Variants in KHDRBS2 observed in about 807,000 individuals in gnomAD.
KHDRBS2 encodes KH RNA binding domain containing, signal transduction associated 2, also known as KH domain-containing, RNA-binding, signal transduction-associated protein 2.
In KHDRBS2, 26 loss-of-function variants were observed where a neutral mutation model predicts 44.3. The observed-to-expected ratio is 0.59, with a 90% confidence interval of 0.43 to 0.81. The LOEUF (loss-of-function observed/expected upper bound fraction) is 0.81, where lower values mean the gene tolerates loss of function less well. KHDRBS2 is among the 40% of genes least tolerant of loss of function. The pLI, the probability that KHDRBS2 is intolerant of heterozygous loss-of-function variation, is 0.00. For synonymous variants in KHDRBS2, 194 were observed against 151.1 expected (o/e 1.28, Z -2.08); for missense variants, 476 against 433.1 (o/e 1.10, Z -0.88).
intron 6 of KHDRBS2, among the ~76,000 whole-genome samples, chr6:61,786,540 T>G (rs914364283): frequency 6.6e-5 from 10 of 151,744 alleles, no homozygotes; most frequent in Admixed American, 1.3e-4. Context: ...CTAAATTTAT[T>G]TATGATTCTA....
chr6:61,604,147 C>T, the KHDRBS2 span, among the ~76,000 whole-genome samples: 2 of 152,176 alleles, frequency 1.3e-5, no homozygotes, highest in Non-Finnish European at 2.9e-5. Flanking sequence ...ATATCCTGCA[C>T]AGCCATGCTG....
intron 4 of KHDRBS2, among the ~76,000 whole-genome samples, chr6:61,967,932 GTATATATATATA>G (rs369326330): frequency 3.4e-5 from 4 of 117,014 alleles, no homozygotes; most frequent in Non-Finnish European, 7.0e-5. Flanking sequence ...ATACACACAC[GTATATATATATA>G]TATATATATA....
At chr6:62,028,507 C>CATATGGATT (rs1460309724) in intron 3 of KHDRBS2, among the ~76,000 whole-genome samples, 1 of 151,898 alleles carries the variant, frequency 6.6e-6, no homozygotes, top group East Asian at 1.9e-4. Context: ...GATTTTTGTG[C>CATATGGATT]TTATACATGG....
intron 4 of KHDRBS2, among the ~76,000 whole-genome samples, chr6:61,955,824 G>C (rs1364223328): frequency 6.6e-6 from 1 of 151,950 alleles, no homozygotes; most frequent in East Asian, 1.9e-4. Context: ...TCAATGCTCA[G>C]AAAGATCCTA....
At chr6:62,193,609 T>C (rs760822267) in intron 1 of KHDRBS2, among the ~76,000 whole-genome samples, 46 of 152,088 alleles carry the variant, frequency 3.0e-4, no homozygotes, top group Non-Finnish European at 5.3e-4. Flanking sequence ...CTCTAATGCA[T>C]TATCTTGGGT....
At chr6:62,169,643 G>T (rs1158832155) in intron 2 of KHDRBS2, among the ~76,000 whole-genome samples, 2 of 152,052 alleles carry the variant, frequency 1.3e-5, no homozygotes, top group Non-Finnish European at 2.9e-5. Context: ...AAGTGACTAG[G>T]AGTCCCATGG....
At chr6:61,852,631 C>T (rs1015114355) in intron 6 of KHDRBS2, among the ~76,000 whole-genome samples, 1 of 151,778 alleles carries the variant, frequency 6.6e-6, no homozygotes, top group Admixed American at 6.6e-5. Flanking sequence ...TTAAAGGAGG[C>T]CAAATCCATT....
intron 4 of KHDRBS2, among the ~76,000 whole-genome samples, chr6:61,947,192 A>G (rs1813553316): frequency 6.6e-6 from 1 of 152,210 alleles, no homozygotes; most frequent in Non-Finnish European, 1.5e-5. Context: ...AACCACTATT[A>G]TAAGACATCT....
intron 6 of KHDRBS2, among the ~76,000 whole-genome samples, chr6:61,771,319 C>T (rs1402039441): frequency 1.3e-5 from 2 of 152,064 alleles, no homozygotes; most frequent in Non-Finnish European, 2.9e-5. Flanking sequence ...ATGACAGGAT[C>T]AAATTCACAC....
intron 2 of KHDRBS2, among the ~76,000 whole-genome samples, chr6:62,107,329 A>T (rs939045468): frequency 6.6e-6 from 1 of 152,214 alleles, no homozygotes; most frequent in African/African-American, 2.4e-5. Context: ...ATCATGAGTG[A>T]ACTCCCATTC....
chr6:61,894,771 C>T lies in KHDRBS2; in HGVS notation c.674G>A (p.Gly225Glu), dbSNP rs1408764252. Residue 225 changes from glycine (G) to glutamate (E), a missense_variant, in exon 6 of 9, where the codon GGA becomes GAA. Transcript: ENST00000281156. The stretch of plus-strand genomic sequence containing the variant: ...AAGCGCTCCACGGGTTACAGTGCTT[C>T]CCCGAGGGGTGAGAACACCTCGTCC... ...PPGRGVLTPR[G>E]STVTRGALPV... The T allele has an allele frequency of 1.2e-6, 2 of 1,613,216 alleles. No individual in the cohort carries two copies. Among genetic ancestry groups the T allele is most frequent in the African/African-American group, 1.3e-5 (1 of 74,874 alleles).
intron 2 of KHDRBS2, among the ~76,000 whole-genome samples, chr6:62,057,652 T>C (rs1790603426): frequency 6.6e-6 from 1 of 151,984 alleles, no homozygotes; most frequent in South Asian, 2.1e-4. Flanking sequence ...TTAACCATAA[T>C]TTAGTAACTT....
At chr6:61,799,033 C>T (rs2081987101) in intron 6 of KHDRBS2, among the ~76,000 whole-genome samples, 1 of 151,976 alleles carries the variant, frequency 6.6e-6, no homozygotes, top group African/African-American at 2.4e-5. Flanking sequence ...AAAAACTAGT[C>T]TGGACTTGAA....
chr6:61,672,340 T>G, the KHDRBS2 span, among the ~76,000 whole-genome samples: 2 of 152,190 alleles, frequency 1.3e-5, no homozygotes, highest in Admixed American at 6.6e-5. Context: ...GCATGATTTA[T>G]AGTCCTTTGG....
chr6:62,082,002 C>A (rs1797493728), intron 2 of KHDRBS2, among the ~76,000 whole-genome samples: 1 of 151,872 alleles, frequency 6.6e-6, no homozygotes, highest in Non-Finnish European at 1.5e-5. Flanking sequence ...TGAAATACAT[C>A]AAAAACACAA....
At chr6:62,274,260 T>G (rs911556384) in intron 1 of KHDRBS2, among the ~76,000 whole-genome samples, 5 of 152,186 alleles carry the variant, frequency 3.3e-5, no homozygotes, top group African/African-American at 1.2e-4. Flanking sequence ...AACTTCTCTC[T>G]CGAACTGTTG....
chr6:61,976,026 G>T (rs1291025063), intron 4 of KHDRBS2, among the ~76,000 whole-genome samples: 5 of 152,106 alleles, frequency 3.3e-5, no homozygotes, highest in African/African-American at 1.2e-4. Context: ...TGAATAAGAA[G>T]TTAGACATAC....
chr6:61,910,267 G>A (rs1483919482), intron 4 of KHDRBS2, among the ~76,000 whole-genome samples: 1 of 152,194 alleles, frequency 6.6e-6, no homozygotes, highest in Non-Finnish European at 1.5e-5. Flanking sequence ...CACAGGGTGA[G>A]TTTTAATCAG....
intron 6 of KHDRBS2, among the ~76,000 whole-genome samples, chr6:61,741,761 G>T (rs923297416): frequency 6.6e-6 from 1 of 151,904 alleles, no homozygotes; most frequent in African/African-American, 2.4e-5. Flanking sequence ...GAGAACAGAA[G>T]TGTCTTGTGA....
Sources: gnomAD v4.1 joint callset for allele counts (sites outside exome capture counted in the v4.1 genomes callset) on GRCh38, gnomAD v4.1.1 for gene constraint, MANE v1.5 for transcripts, NCBI Gene and HGNC (gene_info 2026-07-23, HGNC 2026-07-21) for gene names.